The following MKLN1 variants were observed in gnomAD, a reference collection of about 807,000 sequenced individuals.
MKLN1 encodes the protein muskelin 1, also known as muskelin.
Under a neutral mutation model 99.0 loss-of-function variants are expected in MKLN1, and 18 were observed. The observed-to-expected ratio is 0.18, with a 90% confidence interval of 0.13 to 0.27. MKLN1 has a LOEUF of 0.27. MKLN1 is among the 10% of genes least tolerant of loss of function. The probability of loss-of-function intolerance (pLI) is 1.00; values close to 1 mark genes in which losing one functional copy is unlikely to be tolerated. For synonymous variants in MKLN1, 288 were observed against 293.2 expected, an observed-to-expected ratio of 0.98 and a Z score of 0.18; for missense variants, 621 against 875.9, an observed-to-expected ratio of 0.71 and a Z score of 3.67.
At chr7:131,384,324 A>G (rs563588366) in intron 2 of MKLN1, among the ~76,000 whole-genome samples, 43 of 150,532 alleles carry the variant, frequency 2.9e-4, no homozygotes, top group Admixed American at 8.0e-4. Flanking sequence ...AGGTGAGAGC[A>G]TCTTTGATTA....
intron 2 of MKLN1, among the ~76,000 whole-genome samples, chr7:131,158,603 T>G (rs560635421): frequency 6.6e-6 from 1 of 152,318 alleles, no homozygotes; most frequent in South Asian, 2.1e-4. Flanking sequence ...TCACACACTT[T>G]CCACTGATGC....
At chr7:131,348,118 A>T (rs940683066) in intron 1 of MKLN1, among the ~76,000 whole-genome samples, 1 of 152,182 alleles carries the variant, frequency 6.6e-6, no homozygotes, top group Admixed American at 6.5e-5. Context: ...CATGTTCCAT[A>T]TATTATTTTA....
chr7:131,375,916 A>G (rs1001395374), intron 2 of MKLN1, among the ~76,000 whole-genome samples: 1 of 150,210 alleles, frequency 6.7e-6, no homozygotes, highest in Admixed American at 6.6e-5. Context: ...CCTGGCAAGT[A>G]GTGTCTGGGG....
At chr7:131,387,463 G>C (rs563048503) in intron 3 of MKLN1, among the ~76,000 whole-genome samples, 1 of 151,970 alleles carries the variant, frequency 6.6e-6, no homozygotes, top group Admixed American at 6.6e-5. Flanking sequence ...ACAGACCCTA[G>C]TTAATATTTT....
intron 3 of MKLN1, among the ~76,000 whole-genome samples, chr7:131,253,066 T>C (rs540488478): frequency 6.6e-6 from 1 of 152,270 alleles, no homozygotes; most frequent in African/African-American, 2.4e-5. Context: ...GAAACAACCA[T>C]ACTGGTGAAA....
chr7:131,272,793 T>C (rs1422777473), intron 3 of MKLN1, among the ~76,000 whole-genome samples: 2 of 152,164 alleles, frequency 1.3e-5, no homozygotes, highest in Non-Finnish European at 2.9e-5. Flanking sequence ...GTGAGACTTA[T>C]TCACTATCAC....
At chr7:131,274,643 CA>C (rs10708074) in intron 3 of MKLN1, among the ~76,000 whole-genome samples, 30,348 of 91,602 alleles carry the variant, frequency 0.33, 4,685 homozygotes, top group African/African-American at 0.56. Context: ...GACCCTGTCT[CA>C]AAAAAAAAAA....
intron 3 of MKLN1, among the ~76,000 whole-genome samples, chr7:131,387,803 T>C (rs1794076853): frequency 6.6e-6 from 1 of 152,176 alleles, no homozygotes; most frequent in Non-Finnish European, 1.5e-5. Flanking sequence ...ATGAAGGTGT[T>C]AATTTGCTGC....
chr7:131,283,490 A>T (rs1037772125), intron 3 of MKLN1, among the ~76,000 whole-genome samples: 2 of 146,224 alleles, frequency 1.4e-5, no homozygotes, highest in African/African-American at 5.1e-5. Context: ...GCTGGAGTAC[A>T]CTGGTGCACT....
At chr7:131,230,408 C>T (rs1185500706) in intron 3 of MKLN1, among the ~76,000 whole-genome samples, 1 of 152,126 alleles carries the variant, frequency 6.6e-6, no homozygotes, top group Admixed American at 6.5e-5. Context: ...TATTGGTCAC[C>T]AGAAGAAATC....
chr7:131,169,058 G>C (rs1252383592), intron 2 of MKLN1, among the ~76,000 whole-genome samples: 1 of 152,048 alleles, frequency 6.6e-6, no homozygotes, highest in Non-Finnish European at 1.5e-5. Context: ...AGTAAGACGG[G>C]TTTCACCCTA....
At chr7:131,137,392 T>C (rs1795664505) in intron 1 of MKLN1, among the ~76,000 whole-genome samples, 1 of 152,172 alleles carries the variant, frequency 6.6e-6, no homozygotes, top group Admixed American at 6.6e-5. Flanking sequence ...GAGACAAGAT[T>C]ATTGCAACGT....
chr7:131,394,002 T>G (rs1794282052), intron 4 of MKLN1, among the ~76,000 whole-genome samples: 1 of 150,764 alleles, frequency 6.6e-6, no homozygotes, highest in African/African-American at 2.5e-5. Context: ...ATAGACTATA[T>G]TCTTGGTGCT....
At chr7:131,409,503 G>T (rs1385451639) in intron 6 of MKLN1, among the ~76,000 whole-genome samples, 1 of 152,184 alleles carries the variant, frequency 6.6e-6, no homozygotes, top group South Asian at 2.1e-4. Flanking sequence ...AAGGAAATTT[G>T]GTGAGCGTGC....
At chr7:131,366,338 C>T (rs1800180181) in intron 1 of MKLN1, among the ~76,000 whole-genome samples, 1 of 151,990 alleles carries the variant, frequency 6.6e-6, no homozygotes, top group Non-Finnish European at 1.5e-5. Context: ...TTTTAAAATA[C>T]TCTGCTTGAC....
At chr7:131,362,348 C>T (rs560996563) in intron 1 of MKLN1, among the ~76,000 whole-genome samples, 14 of 152,032 alleles carry the variant, frequency 9.2e-5, no homozygotes, top group African/African-American at 1.4e-4. Flanking sequence ...AAACATAATG[C>T]GGTTCATGAC....
At chr7:131,473,181 C>G (rs534907889) in intron 16 of MKLN1, among the ~76,000 whole-genome samples, 1 of 152,042 alleles carries the variant, frequency 6.6e-6, no homozygotes, top group Non-Finnish European at 1.5e-5. Flanking sequence ...TGTATACTCA[C>G]GATATTTGTC....
intron 3 of MKLN1, among the ~76,000 whole-genome samples, chr7:131,219,953 A>C (rs753079657): frequency 1.3e-5 from 2 of 152,126 alleles, no homozygotes; most frequent in Non-Finnish European, 2.9e-5. Context: ...GGGGCTCAGA[A>C]ACCAACATCC....
chr7:131,489,248 A>G lies in MKLN1; in HGVS notation c.*1520A>G, dbSNP rs1224544907. On this transcript the variant is annotated 3_prime_UTR_variant, in exon 18 of 18. Transcript: ENST00000352689. ...GGTTTTACTTATTTTGGGGATGGATAGAAATATATTTTTGCTAGTTCTAGG... is the reference window on the plus strand; with the variant it reads ...GGTTTTACTTATTTTGGGGATGGATGGAAATATATTTTTGCTAGTTCTAGG... The G allele has an allele frequency of 1.3e-5, 2 of 152,124 alleles. No homozygotes were observed. The highest frequency in any genetic ancestry group is 4.8e-5 in the African/African-American group (2 of 41,442). The allele number at this position is 152,124 out of a possible 1,614,324, so 9.4% of individuals were successfully genotyped here. A position where few individuals can be genotyped will look rare whatever the true frequency, so the allele number is the denominator to read the frequency against.
Sources: allele counts gnomAD v4.1 joint callset (sites outside exome capture counted in the v4.1 genomes callset), GRCh38; gene constraint gnomAD v4.1.1; transcripts MANE v1.5; gene names NCBI Gene and HGNC (gene_info 2026-07-23, HGNC 2026-07-21).